The following TAMM41 variants were observed in gnomAD, a reference collection of about 807,000 sequenced individuals.
The protein encoded by TAMM41 is phosphatidate cytidylyltransferase, mitochondrial.
TAMM41 carries 36 observed loss-of-function variants against 44.1 expected under a neutral mutation model. The ratio of observed to expected loss-of-function variants is 0.82; its 90% confidence interval spans 0.63 to 1.08. The LOEUF (loss-of-function observed/expected upper bound fraction) is 1.08, where lower values mean the gene tolerates loss of function less well. Among genes scored for constraint, TAMM41 ranks in the 50% least tolerant of loss-of-function variants. The pLI, the probability that TAMM41 is intolerant of heterozygous loss-of-function variation, is 0.00. For missense variants in TAMM41, 417 were observed against 404.3 expected, an observed-to-expected ratio of 1.03 and a Z score of -0.27; for synonymous variants, 164 against 153.1, an observed-to-expected ratio of 1.07 and a Z score of -0.53.
At chr3:11,753,705 C>G in the TAMM41 span, among the ~76,000 whole-genome samples, 1 of 152,086 alleles carries the variant, frequency 6.6e-6, no homozygotes, top group Non-Finnish European at 1.5e-5. Context: ...CCACTGCACT[C>G]CAGCCTGGGC....
chr3:11,781,038 A>C, the TAMM41 span, among the ~76,000 whole-genome samples: 1 of 152,070 alleles, frequency 6.6e-6, no homozygotes, highest in Non-Finnish European at 1.5e-5. Flanking sequence ...TCCAACCAAC[A>C]CTGTCTGGGA....
At chr3:11,727,885 C>G in the TAMM41 span, among the ~76,000 whole-genome samples, 15 of 150,136 alleles carry the variant, frequency 1.0e-4, no homozygotes, top group East Asian at 2.8e-3. Context: ...CTCCCGGGTT[C>G]AAGTGATTCT....
At chr3:11,746,484 CA>C in the TAMM41 span, among the ~76,000 whole-genome samples, 2 of 151,830 alleles carry the variant, frequency 1.3e-5, no homozygotes, top group Non-Finnish European at 2.9e-5. Context: ...AGATGGACAT[CA>C]AGAGATAAAC....
At chr3:11,770,345 G>T in the TAMM41 span, among the ~76,000 whole-genome samples, 2 of 152,088 alleles carry the variant, frequency 1.3e-5, no homozygotes, top group Non-Finnish European at 2.9e-5. Context: ...CTGACCGGGG[G>T]TGTCTGGTCC....
At chr3:11,822,694 C>T (rs2078571562) in intron 4 of TAMM41, among the ~76,000 whole-genome samples, 1 of 152,208 alleles carries the variant, frequency 6.6e-6, no homozygotes, top group Non-Finnish European at 1.5e-5. Context: ...CAAGGGTCAT[C>T]ACACTGTAGC....
Position 11,807,653 on chromosome 3 carries a change from G to C in TAMM41, c.937+180C>G, listed in dbSNP as rs994731352. 4.6e-6 allele frequency: 7 copies of C among 1,536,146 alleles called. No homozygotes were observed. The African/African-American group carries it at 5.5e-5, about 12-fold the overall frequency. On this transcript the variant is annotated intron_variant, in intron 7 of 7. Transcript: ENST00000455809. ...CACTGCCAATGGTCTGACATTGTTC[G>C]ACCACCAGGTTCTGCTGCTGTTATG... is the stretch of plus-strand genomic sequence containing the variant.
chr3:11,793,419 C>T (rs140832224), intron 7 of TAMM41, among the ~76,000 whole-genome samples: 83 of 152,106 alleles, frequency 5.5e-4, no homozygotes, highest in African/African-American at 1.7e-3. Context: ...TAAATGTGGA[C>T]GATTGTTTAG....
At chr3:11,737,962 A>G in the TAMM41 span, among the ~76,000 whole-genome samples, 3 of 152,156 alleles carry the variant, frequency 2.0e-5, no homozygotes, top group African/African-American at 7.2e-5. Context: ...CATTCACACC[A>G]CACGTTACTC....
At chr3:11,732,834 G>T in the TAMM41 span, among the ~76,000 whole-genome samples, 1 of 152,064 alleles carries the variant, frequency 6.6e-6, no homozygotes, top group Non-Finnish European at 1.5e-5. Context: ...TGGAAGGAAG[G>T]CCTGGGTGGC....
In TAMM41 at chr3:11,839,334, G is replaced by A; in HGVS notation, c.319-20C>T. ...GATAAGCTGAAGGAAAAAAGAAATG[G>A]CACAAAACGGAGTAAAATACCATGT... On this transcript the variant is annotated intron_variant, in intron 2 of 7. Coordinates refer to ENST00000455809, the MANE Select transcript of TAMM41 (RefSeq NM_001284401.2). 1 of 1,488,290 alleles carries A rather than the reference G, an allele frequency of 6.7e-7. No individual in the cohort carries two copies. The highest frequency in any genetic ancestry group is 9.3e-7 in the Non-Finnish European group (1 of 1,070,996). The allele number at this position is 1,488,290 out of a possible 1,614,324, so 92.2% of individuals were successfully genotyped here.
the TAMM41 span, among the ~76,000 whole-genome samples, chr3:11,726,879 G>A: frequency 2.6e-5 from 4 of 151,746 alleles, no homozygotes; most frequent in Admixed American, 6.6e-5. Context: ...TTTTGGTGGA[G>A]GAGCGCTAAA....
At chr3:11,724,335 T>C in the TAMM41 span, among the ~76,000 whole-genome samples, 1 of 152,100 alleles carries the variant, frequency 6.6e-6, no homozygotes, top group Non-Finnish European at 1.5e-5. Context: ...ACTCCTGACC[T>C]CAGGTGATCA....
chr3:11,759,625 C>T, the TAMM41 span, among the ~76,000 whole-genome samples: 1 of 152,056 alleles, frequency 6.6e-6, no homozygotes, highest in African/African-American at 2.4e-5. Context: ...CCAGTTCCTC[C>T]ACCTTCCAGG....
At chr3:11,751,761 T>G in the TAMM41 span, among the ~76,000 whole-genome samples, 1 of 152,220 alleles carries the variant, frequency 6.6e-6, no homozygotes, top group African/African-American at 2.4e-5. Context: ...TGCTGATCCT[T>G]CTTGAAATTC....
intron 4 of TAMM41, among the ~76,000 whole-genome samples, chr3:11,826,565 C>A (rs979753005): frequency 6.9e-6 from 1 of 144,832 alleles, no homozygotes; most frequent in African/African-American, 2.5e-5. Context: ...ATGTTGGAAG[C>A]TATTATACGT....
At chr3:11,784,791 CTTTT>C in the TAMM41 span, among the ~76,000 whole-genome samples, 2 of 134,326 alleles carry the variant, frequency 1.5e-5, no homozygotes, top group South Asian at 4.9e-4. Flanking sequence ...CACTTCTTTT[CTTTT>C]CTTTTTTTTT....
intron 7 of TAMM41, among the ~76,000 whole-genome samples, chr3:11,804,868 ATTTTTT>A (rs72142106): frequency 6.9e-6 from 1 of 145,438 alleles, no homozygotes; most frequent in Non-Finnish European, 1.5e-5. Flanking sequence ...TATTATTATA[ATTTTTT>A]TTTTTTTTGA....
intron 4 of TAMM41, among the ~76,000 whole-genome samples, chr3:11,819,485 CCAA>C (rs2124995600): frequency 6.6e-6 from 1 of 152,252 alleles, no homozygotes; most frequent in African/African-American, 2.4e-5. Context: ...TCCCAAATGT[CCAA>C]CAACAGGGGA....
At chr3:11,791,810 G>A (rs886592877) in intron 7 of TAMM41, among the ~76,000 whole-genome samples, 13 of 152,166 alleles carry the variant, frequency 8.5e-5, no homozygotes, top group African/African-American at 2.9e-4. Flanking sequence ...TTGTCTACCA[G>A]CTGACTACTT....
Sources: allele counts gnomAD v4.1 joint callset (sites outside exome capture counted in the v4.1 genomes callset), GRCh38; gene constraint gnomAD v4.1.1; transcripts MANE v1.5; gene names NCBI Gene and HGNC (gene_info 2026-07-23, HGNC 2026-07-21).